The following TLL2 variants were observed in gnomAD, a reference collection of about 807,000 sequenced individuals.
The protein encoded by TLL2 is tolloid like 2.
In TLL2, 106 loss-of-function variants were observed where a neutral mutation model predicts 123.0. The ratio of observed to expected loss-of-function variants is 0.86; its 90% CI spans 0.74 to 1.01. The LOEUF is 1.01. Ranked by LOEUF, TLL2 falls within the 50% of genes least tolerant of loss-of-function variation. TLL2 has a pLI of 0.00. For missense variants in TLL2, 1,332 were observed against 1,336.7 expected, an observed-to-expected ratio of 1.00 and a Z score of 0.06; for synonymous variants, 494 against 516.8, an observed-to-expected ratio of 0.96 and a Z score of 0.60.
rs753039445 is a variant in TLL2 at position 96,432,930 on chromosome 10, G to A, written c.397C>T (p.Pro133Ser). ...GRENTTLLHS[P>S]GTLHAAAKTF... is the part of the protein sequence containing the mutation. ...TTGGCTGCGGCATGCAAGGTCCCAG[G>A]GCTGTGCAGGAGTGTGGTATTCTCC... The change falls in exon 4 of 21, where the codon CCT (proline) becomes TCT (serine). Residue 133 changes from proline (P) to serine (S), a missense_variant. Physicochemically the swap from Pro to Ser is moderately conservative, Grantham distance 74. Transcript: ENST00000357947. The A allele has an allele frequency of 3.1e-6, 5 of 1,614,104 alleles. No homozygotes were observed. Among genetic ancestry groups the A allele is most frequent in the South Asian group, 1.1e-5 (1 of 91,060 alleles).
intron 10 of TLL2, among the ~76,000 whole-genome samples, chr10:96,404,985 G>T (rs1846435934): frequency 6.6e-6 from 1 of 152,192 alleles, no homozygotes; most frequent in African/African-American, 2.4e-5. Context: ...TGTAGCTAGA[G>T]CTTTGCACAC....
chr10:96,479,571 G>A (rs1280935872), intron 2 of TLL2, among the ~76,000 whole-genome samples: 1 of 152,234 alleles, frequency 6.6e-6, no homozygotes, highest in African/African-American at 2.4e-5. Context: ...GCACCCCAAG[G>A]GCACCTGGTG....
At chr10:96,488,101 C>T (rs771249144) in intron 1 of TLL2, among the ~76,000 whole-genome samples, 4 of 152,172 alleles carry the variant, frequency 2.6e-5, no homozygotes, top group Non-Finnish European at 4.4e-5. Flanking sequence ...GGGGTTGTTG[C>T]GAGCATCAGC....
At chr10:96,441,717 C>T (rs996685653) in intron 3 of TLL2, among the ~76,000 whole-genome samples, 5 of 152,174 alleles carry the variant, frequency 3.3e-5, no homozygotes, top group African/African-American at 1.2e-4. Context: ...TGTCAAATGC[C>T]TGCGGTGAGT....
intron 16 of TLL2, among the ~76,000 whole-genome samples, chr10:96,384,261 A>G (rs963960962): frequency 2.6e-5 from 4 of 152,172 alleles, no homozygotes; most frequent in African/African-American, 9.7e-5. Flanking sequence ...GCAGGGAGGG[A>G]TTCTACCCTA....
At chr10:96,448,242 GCCAGCT>G (rs1846919120) in intron 2 of TLL2, among the ~76,000 whole-genome samples, 1 of 152,216 alleles carries the variant, frequency 6.6e-6, no homozygotes, top group African/African-American at 2.4e-5. Context: ...GGTGTTCGCT[GCCAGCT>G]CCTGGCCCTC....
At chr10:96,411,257 CAAAAAAAAA>C (rs56011735) in intron 8 of TLL2, among the ~76,000 whole-genome samples, 37 of 95,124 alleles carry the variant, frequency 3.9e-4, no homozygotes, top group African/African-American at 1.4e-3. Context: ...GACTCTGTCT[CAAAAAAAAA>C]AAAAAAAAAA....
intron 19 of TLL2, 33 bp downstream of exon 19, chr10:96,373,563 A>G (rs1469184769): frequency 6.3e-7 from 1 of 1,595,324 alleles, no homozygotes; most frequent in South Asian, 1.1e-5. Context: ...CCAAGTGCTC[A>G]TCAGGTGGAA....
chr10:96,424,911 A>AT, intron 5 of TLL2, among the ~76,000 whole-genome samples: 3 of 150,528 alleles, frequency 2.0e-5, no homozygotes, highest in Non-Finnish European at 4.4e-5. Context: ...ATACTCTTCG[A>AT]TTTTTTCTTT....
intron 13 of TLL2, among the ~76,000 whole-genome samples, chr10:96,392,411 T>A (rs765432947): frequency 6.6e-6 from 1 of 152,244 alleles, no homozygotes; most frequent in South Asian, 2.1e-4. Flanking sequence ...AAAAAAATCA[T>A]TCTGTATCTA....
chr10:96,501,854 G>A (rs552168611), intron 1 of TLL2, among the ~76,000 whole-genome samples: 11 of 152,144 alleles, frequency 7.2e-5, no homozygotes, highest in African/African-American at 1.9e-4. Flanking sequence ...GACAAATACC[G>A]GTTGGGCACC....
chr10:96,408,711 G>A (rs1846473330), intron 9 of TLL2, among the ~76,000 whole-genome samples: 1 of 152,162 alleles, frequency 6.6e-6, no homozygotes. Context: ...ATACATGTGT[G>A]CCCACACATG....
At chr10:96,378,682 G>A (rs1333556183) in intron 17 of TLL2, among the ~76,000 whole-genome samples, 1 of 152,204 alleles carries the variant, frequency 6.6e-6, no homozygotes, top group Non-Finnish European at 1.5e-5. Context: ...ACACAGCTAG[G>A]GAACGGCAGA....
At chr10:96,443,904 G>A (rs1846871880) in intron 3 of TLL2, among the ~76,000 whole-genome samples, 1 of 152,196 alleles carries the variant, frequency 6.6e-6, no homozygotes, top group Non-Finnish European at 1.5e-5. Flanking sequence ...AAGCTGTATA[G>A]CTAAGAAACA....
At chr10:96,458,050 G>A (rs544100558) in intron 2 of TLL2, among the ~76,000 whole-genome samples, 1 of 152,214 alleles carries the variant, frequency 6.6e-6, no homozygotes, top group Admixed American at 6.5e-5. Context: ...GCTGCAGGAG[G>A]TGGGGTGGGA....
At chr10:96,376,939 T>C in intron 17 of TLL2, 120 bp from the exon 18 acceptor site, 1 of 946,772 alleles carries the variant, frequency 1.1e-6, no homozygotes, top group Non-Finnish European at 1.5e-6. Flanking sequence ...TTATCAAATA[T>C]GGGGGTGGGG....
At chr10:96,480,215 C>T in intron 2 of TLL2, 134 bp downstream of exon 2, 1 of 711,250 alleles carries the variant, frequency 1.4e-6, no homozygotes, top group Non-Finnish European at 2.4e-6. Context: ...GAGAAGTGAC[C>T]CCTCTGATTT....
At chr10:96,393,758 G>A (rs1010312383) in intron 13 of TLL2, among the ~76,000 whole-genome samples, 8 of 146,756 alleles carry the variant, frequency 5.5e-5, no homozygotes, top group Non-Finnish European at 1.2e-4. Flanking sequence ...TTTGGCTTGA[G>A]AAAGAAGCAA....
chr10:96,476,240 A>ATATATTTTTTTT, intron 2 of TLL2, among the ~76,000 whole-genome samples: 5 of 20,496 alleles, frequency 2.4e-4, no homozygotes, highest in South Asian at 3.5e-3. Context: ...ATATATATAT[A>ATATATTTTTTTT]TTTTATTTTT....
Sources: allele counts gnomAD v4.1 joint callset (sites outside exome capture counted in the v4.1 genomes callset), GRCh38; gene constraint gnomAD v4.1.1; transcripts MANE v1.5; gene names NCBI Gene and HGNC (gene_info 2026-07-23, HGNC 2026-07-21).